PDE3A: variants seen among roughly 807,000 people sequenced by gnomAD.
PDE3A encodes cGMP-inhibited 3',5'-cyclic phosphodiesterase 3A.
A neutral mutation model predicts 98.3 loss-of-function variants in PDE3A; 43 were observed. The ratio of observed to expected loss-of-function variants is 0.44; its 90% CI spans 0.34 to 0.56. The LOEUF (loss-of-function observed/expected upper bound fraction) is 0.56, where lower values mean the gene tolerates loss of function less well. PDE3A is among the 20% of genes least tolerant of loss of function. The probability of loss-of-function intolerance (pLI) is 0.01; values close to 1 mark genes in which losing one functional copy is unlikely to be tolerated. For missense variants in PDE3A, 1,427 were observed against 1,440.7 expected (o/e 0.99, Z 0.15); for synonymous variants, 663 against 567.9 (o/e 1.17, Z -2.38).
At chr12:20,497,510 G>A (rs941428806) in intron 1 of PDE3A, among the ~76,000 whole-genome samples, 5 of 150,610 alleles carry the variant, frequency 3.3e-5, no homozygotes, top group Non-Finnish European at 5.9e-5. Flanking sequence ...AAAAAACATA[G>A]GTTCTACAAA....
intron 15 of PDE3A, among the ~76,000 whole-genome samples, chr12:20,665,062 C>A (rs533479432): frequency 6.6e-6 from 1 of 152,266 alleles, no homozygotes; most frequent in African/African-American, 2.4e-5. Flanking sequence ...CTAATCCAGT[C>A]ACCACCTCCA....
intron 2 of PDE3A, among the ~76,000 whole-genome samples, chr12:20,564,666 T>C (rs2121294263): frequency 6.6e-6 from 1 of 152,216 alleles, no homozygotes; most frequent in Non-Finnish European, 1.5e-5. Context: ...AGTAAGTGAC[T>C]CTTTATTACA....
At chr12:20,399,696 A>T (rs74429313) in intron 1 of PDE3A, among the ~76,000 whole-genome samples, 26 of 152,334 alleles carry the variant, frequency 1.7e-4, no homozygotes, top group African/African-American at 6.3e-4. Context: ...TTATTTCAAG[A>T]TAACTTAATG....
intron 2 of PDE3A, among the ~76,000 whole-genome samples, chr12:20,557,995 A>G (rs1942413032): frequency 6.6e-6 from 1 of 152,144 alleles, no homozygotes; most frequent in South Asian, 2.1e-4. Flanking sequence ...TGCAAATAAG[A>G]AGGTCCATGG....
At chr12:20,494,739 C>T (rs1322409448) in intron 1 of PDE3A, among the ~76,000 whole-genome samples, 2 of 152,016 alleles carry the variant, frequency 1.3e-5, no homozygotes, top group African/African-American at 4.8e-5. Flanking sequence ...TAATACATGT[C>T]GTTCTGCACT....
intron 14 of PDE3A, 90 bp downstream of exon 14, chr12:20,650,690 C>A: frequency 1.4e-6 from 1 of 720,868 alleles, no homozygotes; most frequent in Non-Finnish European, 2.2e-6. Flanking sequence ...AAAGTATGAT[C>A]ACTCTATTTT....
chr12:20,622,885 T>G (rs1316084653), intron 5 of PDE3A, among the ~76,000 whole-genome samples: 1 of 152,098 alleles, frequency 6.6e-6, no homozygotes, highest in East Asian at 1.9e-4. Flanking sequence ...GATTCAAACA[T>G]GGAGCTTACA....
chr12:20,419,815 T>C (rs779500845), intron 1 of PDE3A, among the ~76,000 whole-genome samples: 29 of 148,888 alleles, frequency 1.9e-4, no homozygotes, highest in Non-Finnish European at 3.8e-4. Context: ...CTCGGCTCAC[T>C]GCAACATCTG....
At chr12:20,405,749 A>C (rs999639724) in intron 1 of PDE3A, among the ~76,000 whole-genome samples, 4 of 152,176 alleles carry the variant, frequency 2.6e-5, no homozygotes, top group African/African-American at 9.7e-5. Flanking sequence ...TGGCGACCAT[A>C]CTTAAAGTCT....
chr12:20,420,341 T>G (rs956323982), intron 1 of PDE3A, among the ~76,000 whole-genome samples: 12 of 152,108 alleles, frequency 7.9e-5, no homozygotes, highest in Admixed American at 7.2e-4. Flanking sequence ...CGCTCTAAAC[T>G]CAGTCAAGTC....
chr12:20,385,232 C>T (rs1591867800), intron 1 of PDE3A, among the ~76,000 whole-genome samples: 1 of 152,024 alleles, frequency 6.6e-6, no homozygotes, highest in Middle Eastern at 3.4e-3. Context: ...ATCAAAACCA[C>T]AATGAGATAC....
At chr12:20,615,015 TC>T (rs1348260200) in intron 3 of PDE3A, among the ~76,000 whole-genome samples, 4,447 of 116,948 alleles carry the variant, frequency 0.038, 135 homozygotes, top group East Asian at 0.087. Context: ...TTTCTCTCTT[TC>T]TTTTTTTTTT....
chr12:20,538,096 G>A (rs1482906791), intron 1 of PDE3A, among the ~76,000 whole-genome samples: 1 of 152,168 alleles, frequency 6.6e-6, no homozygotes, highest in Non-Finnish European at 1.5e-5. Context: ...GCTAAAGTGT[G>A]TAGGTCTGTT....
intron 4 of PDE3A, among the ~76,000 whole-genome samples, chr12:20,617,418 A>T (rs1159876893): frequency 6.6e-6 from 1 of 152,004 alleles, no homozygotes; most frequent in East Asian, 1.9e-4. Flanking sequence ...GTATAATCCC[A>T]CTCCATCCTA....
At chr12:20,560,249 T>C (rs752689893) in intron 2 of PDE3A, among the ~76,000 whole-genome samples, 2 of 152,050 alleles carry the variant, frequency 1.3e-5, no homozygotes, top group Non-Finnish European at 2.9e-5. Context: ...CAGAAAAATA[T>C]TAAAAGAAAA....
At position 20,369,333 on chromosome 12, in the gene PDE3A, A is replaced by C. The variant is rs1380307227; in HGVS notation, c.49A>C (p.Ser17Arg). ...ACGAGTCAGGGACAAGCCCGTCCACAGTGGGGTGAGTCAAGCCCCCACGGC... is the reference window on the plus strand; with the variant it reads ...ACGAGTCAGGGACAAGCCCGTCCACCGTGGGGTGAGTCAAGCCCCCACGGC... Reference protein sequence around the residue: ...AARVRDKPVHSGVSQAPTAGR... With the variant: ...AARVRDKPVHRGVSQAPTAGR... The change falls in exon 1 of 16, where the codon AGT (serine) becomes CGT (arginine). Residue 17 changes from serine (S) to arginine (R), a missense_variant. Ser to Arg is a moderately radical substitution (Grantham distance 110, BLOSUM62 -1). This residue lies in a region of PDE3A where 1,012 missense variants were observed against 886.5 expected (regional missense o/e 1.14). Coordinates refer to ENST00000359062, the MANE Select transcript of PDE3A (RefSeq NM_000921.5). 4 of 1,548,008 alleles carry C rather than the reference A, an allele frequency of 2.6e-6. No individual in the cohort carries two copies. Among genetic ancestry groups the C allele is most frequent in the Non-Finnish European group, 3.5e-6 (4 of 1,145,910 alleles).
At chr12:20,480,916 C>T (rs1945611323) in intron 1 of PDE3A, among the ~76,000 whole-genome samples, 1 of 152,204 alleles carries the variant, frequency 6.6e-6, no homozygotes, top group African/African-American at 2.4e-5. Flanking sequence ...ATTGACTTGA[C>T]CTTAACCAAC....
intron 1 of PDE3A, among the ~76,000 whole-genome samples, chr12:20,460,155 C>T (rs1280670450): frequency 6.6e-6 from 1 of 152,210 alleles, no homozygotes; most frequent in Non-Finnish European, 1.5e-5. Context: ...ACTCTCTAAT[C>T]AATGCCTCCC....
chr12:20,499,024 C>A (rs749290147), intron 1 of PDE3A, among the ~76,000 whole-genome samples: 4 of 152,088 alleles, frequency 2.6e-5, no homozygotes, highest in Non-Finnish European at 5.9e-5. Context: ...TGTGTTTTTG[C>A]ACTTTTGGGG....
Sources: allele counts gnomAD v4.1 joint callset (sites outside exome capture counted in the v4.1 genomes callset), GRCh38; gene constraint gnomAD v4.1.1; regional missense constraint gnomAD v4.1.1; transcripts MANE v1.5; gene names NCBI Gene and HGNC (gene_info 2026-07-23, HGNC 2026-07-21).